The following KCNIP1 variants were observed in gnomAD, a reference collection of about 807,000 sequenced individuals.
The protein encoded by KCNIP1 is potassium voltage-gated channel interacting protein 1.
A neutral mutation model predicts 33.0 loss-of-function variants in KCNIP1; 18 were observed. That is an observed-to-expected ratio of 0.55 (90% CI 0.38 to 0.81). The LOEUF (loss-of-function observed/expected upper bound fraction) is 0.81. Ranked by LOEUF, KCNIP1 falls within the 30% of genes least tolerant of loss-of-function variation. The probability of loss-of-function intolerance (pLI) is 0.00; values close to 1 mark genes in which losing one functional copy is unlikely to be tolerated. For synonymous variants in KCNIP1, 93 were observed against 98.3 expected (o/e 0.95, Z 0.32); for missense variants, 238 against 271.6 (o/e 0.88, Z 0.87).
At chr5:170,730,840 A>T (rs762123218) in intron 5 of KCNIP1, among the ~76,000 whole-genome samples, 1 of 83,266 alleles carries the variant, frequency 1.2e-5, no homozygotes, top group Non-Finnish European at 2.4e-5. Flanking sequence ...AAAAGTGCTT[A>T]AAAAAAAAAA....
chr5:170,520,856 A>T (rs1755338794), intron 1 of KCNIP1, among the ~76,000 whole-genome samples: 1 of 152,148 alleles, frequency 6.6e-6, no homozygotes, highest in Admixed American at 6.5e-5. Context: ...GAAGCCGGGC[A>T]GTGCTGTTCA....
intron 1 of KCNIP1, among the ~76,000 whole-genome samples, chr5:170,545,686 T>C (rs546457143): frequency 6.6e-6 from 1 of 152,340 alleles, no homozygotes; most frequent in East Asian, 1.9e-4. Context: ...TACTATTTTA[T>C]TGATTCCAAG....
intron 1 of KCNIP1, among the ~76,000 whole-genome samples, chr5:170,553,258 T>C (rs566842003): frequency 6.6e-6 from 1 of 152,392 alleles, no homozygotes; most frequent in South Asian, 2.1e-4. Flanking sequence ...TGTACCCCTG[T>C]GTCGAAACCT....
chr5:170,357,180 G>T (rs1240619400), intron 1 of KCNIP1, among the ~76,000 whole-genome samples: 2 of 152,006 alleles, frequency 1.3e-5, no homozygotes, highest in East Asian at 1.9e-4. Context: ...GAGCACAGTT[G>T]GTTTCTAGAC....
intron 1 of KCNIP1, among the ~76,000 whole-genome samples, chr5:170,486,851 C>G (rs1757103719): frequency 1.3e-5 from 2 of 152,204 alleles, no homozygotes; most frequent in African/African-American, 4.8e-5. Context: ...GCACACCACA[C>G]TGGTACACGC....
chr5:170,717,614 C>T (rs1581538960), intron 1 of KCNIP1, among the ~76,000 whole-genome samples: 1 of 152,098 alleles, frequency 6.6e-6, no homozygotes, highest in African/African-American at 2.4e-5. Flanking sequence ...GGATCAAAGT[C>T]TCAAAAGGGA....
intron 1 of KCNIP1, among the ~76,000 whole-genome samples, chr5:170,452,694 CCTCT>C (rs1756282671): frequency 6.6e-6 from 1 of 152,202 alleles, no homozygotes; most frequent in South Asian, 2.1e-4. Flanking sequence ...CACCCTGCTC[CCTCT>C]GCCTTTATCC....
chr5:170,403,550 T>C (rs151149601), intron 1 of KCNIP1, among the ~76,000 whole-genome samples: 8 of 152,316 alleles, frequency 5.3e-5, no homozygotes, highest in Admixed American at 1.3e-4. Flanking sequence ...CATCTCCTTT[T>C]ACTCTCAAAT....
intron 1 of KCNIP1, among the ~76,000 whole-genome samples, chr5:170,496,763 C>A (rs372094239): frequency 1.3e-5 from 2 of 152,158 alleles, no homozygotes; most frequent in Non-Finnish European, 2.9e-5. Flanking sequence ...TCAGTCTCAC[C>A]CGTCCACCCT....
At chr5:170,659,247 G>A (rs1761385899) in intron 1 of KCNIP1, among the ~76,000 whole-genome samples, 1 of 152,056 alleles carries the variant, frequency 6.6e-6, no homozygotes, top group South Asian at 2.1e-4. Flanking sequence ...GCATCATTTT[G>A]CTTTGCTCTC....
At chr5:170,656,996 CT>C (rs397999901) in intron 1 of KCNIP1, among the ~76,000 whole-genome samples, 95 of 109,720 alleles carry the variant, frequency 8.7e-4, no homozygotes, top group Non-Finnish European at 1.2e-3. Context: ...TTCTTTCTTT[CT>C]TTTTTTTTTT....
intron 1 of KCNIP1, among the ~76,000 whole-genome samples, chr5:170,385,083 T>G (rs1333344104): frequency 1.3e-5 from 2 of 152,180 alleles, no homozygotes; most frequent in Admixed American, 1.3e-4. Context: ...TACCACCACG[T>G]CCTAGATCAT....
At chr5:170,586,736 G>A (rs1385097047) in intron 1 of KCNIP1, among the ~76,000 whole-genome samples, 2 of 152,210 alleles carry the variant, frequency 1.3e-5, no homozygotes, top group Non-Finnish European at 2.9e-5. Context: ...ACTCTTGTCA[G>A]TATATTTCTG....
intron 1 of KCNIP1, among the ~76,000 whole-genome samples, chr5:170,366,326 T>A (rs1165298609): frequency 6.6e-6 from 1 of 152,198 alleles, no homozygotes; most frequent in Non-Finnish European, 1.5e-5. Context: ...GGAGGAGGCC[T>A]CAGACCTGGA....
chr5:170,380,872 G>C (rs372905064), intron 1 of KCNIP1, among the ~76,000 whole-genome samples: 2 of 152,296 alleles, frequency 1.3e-5, no homozygotes, highest in East Asian at 3.9e-4. Flanking sequence ...TTGTAAAATG[G>C]GTTTGTGAGG....
intron 1 of KCNIP1, among the ~76,000 whole-genome samples, chr5:170,693,234 G>A (rs13165761): frequency 0.034 from 4,460 of 130,368 alleles, 105 homozygotes; most frequent in Middle Eastern, 0.11. Context: ...GCATCCCTGG[G>A]GACGGGCCAG....
At chr5:170,569,300 C>G (rs963083264) in intron 1 of KCNIP1, among the ~76,000 whole-genome samples, 3 of 152,262 alleles carry the variant, frequency 2.0e-5, no homozygotes, top group Non-Finnish European at 2.9e-5. Flanking sequence ...CCCCACCCCC[C>G]GCTGCTGTGT....
At chr5:170,589,358 G>A (rs767528708) in intron 1 of KCNIP1, among the ~76,000 whole-genome samples, 29 of 152,138 alleles carry the variant, frequency 1.9e-4, no homozygotes, top group Non-Finnish European at 2.9e-4. Flanking sequence ...AACCAAATAC[G>A]TGGTATCTGC....
chr5:170,707,419 T>C (rs1332586477), intron 1 of KCNIP1, among the ~76,000 whole-genome samples: 3 of 152,230 alleles, frequency 2.0e-5, no homozygotes, highest in African/African-American at 4.8e-5. Flanking sequence ...TGCTGGAATC[T>C]AGATAATTCC....
Sources: allele counts gnomAD v4.1 joint callset (sites outside exome capture counted in the v4.1 genomes callset), GRCh38; gene constraint gnomAD v4.1.1; transcripts MANE v1.5; gene names NCBI Gene and HGNC (gene_info 2026-07-23, HGNC 2026-07-21).